Variants in DYSF observed in about 807,000 individuals in gnomAD.
DYSF encodes the protein dysferlin, also known as dystrophy-associated fer-1-like 1.
In DYSF, 212 loss-of-function variants were observed where a neutral mutation model predicts 274.9. The ratio of observed to expected loss-of-function variants is 0.77; its 90% confidence interval spans 0.69 to 0.86. The LOEUF (loss-of-function observed/expected upper bound fraction) is 0.86. Ranked by LOEUF, DYSF falls within the 40% of genes least tolerant of loss-of-function variation. The pLI is 0.00. For synonymous variants in DYSF, 1,091 were observed against 1,078.7 expected, an observed-to-expected ratio of 1.01 and a Z score of -0.22; for missense variants, 2,666 against 2,783.2, an observed-to-expected ratio of 0.96 and a Z score of 0.95.
intron 3 of DYSF, among the ~76,000 whole-genome samples, chr2:71,486,551 G>T (rs1426417483): frequency 1.3e-5 from 2 of 152,070 alleles, no homozygotes; most frequent in African/African-American, 4.8e-5. Flanking sequence ...GCAGTTTAGG[G>T]TGATCTTGTT....
intron 9 of DYSF, among the ~76,000 whole-genome samples, chr2:71,516,624 T>C (rs932107984): frequency 1.3e-5 from 2 of 152,236 alleles, no homozygotes; most frequent in South Asian, 2.1e-4. Context: ...ACGTGCCTGC[T>C]TCTGACTGAG....
intron 55 of DYSF, among the ~76,000 whole-genome samples, chr2:71,684,394 T>C (rs1354224790): frequency 6.6e-6 from 1 of 152,116 alleles, no homozygotes; most frequent in Non-Finnish European, 1.5e-5. Context: ...CCTCCTCCCA[T>C]TCGGAGCCCA....
chr2:71,623,444 C>A (rs972245328), intron 41 of DYSF, among the ~76,000 whole-genome samples: 1 of 151,100 alleles, frequency 6.6e-6, no homozygotes, highest in Middle Eastern at 3.4e-3. Context: ...TTTGTTCTTG[C>A]GATAGTTTAC....
At chr2:71,486,212 C>T (rs1412875172) in intron 3 of DYSF, among the ~76,000 whole-genome samples, 3 of 152,056 alleles carry the variant, frequency 2.0e-5, no homozygotes, top group Non-Finnish European at 4.4e-5. Context: ...CAACCTCATC[C>T]TCTTCCAAGT....
At chr2:71,602,495 T>C (rs1370986235) in intron 35 of DYSF, among the ~76,000 whole-genome samples, 2 of 152,176 alleles carry the variant, frequency 1.3e-5, no homozygotes, top group Non-Finnish European at 2.9e-5. Context: ...CTTCCAGAGA[T>C]TCCTGGCGTC....
rs561061623 is a variant in DYSF at position 71,516,615 on chromosome 2, C to T, written c.951+373C>T. ...GGTTCCATCTTATTTTGTTAATCCA[C>T]GTGCCTGCTTCTGACTGAGATTCTC... On this transcript the variant is annotated intron_variant, in intron 9 of 55. Coordinates refer to ENST00000410020, the MANE Select transcript of DYSF (RefSeq NM_001130987.2). 1.2e-3 allele frequency among the ~76,000 whole-genome samples: 184 copies of T among 152,340 alleles called. 1 individual carries two copies. The highest frequency in any genetic ancestry group is 4.2e-3 in the African/African-American group (176 of 41,582).
rs917623717 is a variant in DYSF, at chr2:71,466,829, G to C, written c.-14G>C. The C allele has an allele frequency of 3.3e-6, 5 of 1,507,926 alleles. No homozygotes were observed. In the Admixed American group the frequency reaches 6.0e-5, roughly 18 times the overall value. The allele number at this position is 1,507,926 out of a possible 1,614,324, so 93.4% of individuals were successfully genotyped here. ...CCTGACTGCGCGCCTGTGTGCCGCCGGGGCTGCCCAGCCATGCTGTGCTGC... is the reference window on the plus strand; with the variant it reads ...CCTGACTGCGCGCCTGTGTGCCGCCCGGGCTGCCCAGCCATGCTGTGCTGC... On this transcript the variant is annotated 5_prime_UTR_variant, in exon 1 of 56. Transcript: ENST00000410020.
intron 44 of DYSF, 33 bp from the exon 45 acceptor site, chr2:71,660,527 G>T: frequency 6.3e-7 from 1 of 1,587,896 alleles, no homozygotes; most frequent in Non-Finnish European, 8.6e-7. Flanking sequence ...TTTGGAAAGT[G>T]TTTTCACAGA....
chr2:71,524,740 A>C (rs1170977439), intron 12 of DYSF, among the ~76,000 whole-genome samples: 1 of 152,232 alleles, frequency 6.6e-6, no homozygotes, highest in East Asian at 1.9e-4. Context: ...GGGCCTCTGC[A>C]TGAGTTGCCT....
intron 30 of DYSF, among the ~76,000 whole-genome samples, chr2:71,582,239 C>A (rs1162803123): frequency 2.0e-5 from 3 of 151,762 alleles, no homozygotes; most frequent in African/African-American, 7.3e-5. Flanking sequence ...CTATGGCCCA[C>A]GAAGTCAAAA....
intron 21 of DYSF, among the ~76,000 whole-genome samples, chr2:71,554,512 G>GC (rs2091201657): frequency 6.6e-6 from 1 of 152,126 alleles, no homozygotes; most frequent in African/African-American, 2.4e-5. Flanking sequence ...CAGTGAGGGG[G>GC]CTGTGTCCAG....
intron 44 of DYSF, among the ~76,000 whole-genome samples, chr2:71,659,552 T>C (rs1184676964): frequency 1.3e-5 from 2 of 152,238 alleles, no homozygotes; most frequent in African/African-American, 4.8e-5. Context: ...ACTCACCCGG[T>C]CTTTATTTAA....
intron 19 of DYSF, among the ~76,000 whole-genome samples, chr2:71,552,107 C>A (rs2090992309): frequency 6.6e-6 from 1 of 152,182 alleles, no homozygotes; most frequent in South Asian, 2.1e-4. Flanking sequence ...CATGAGGTGG[C>A]TGCTGTTATT....
intron 54 of DYSF, 55 bp downstream of exon 54, chr2:71,681,165 A>C: frequency 6.5e-7 from 1 of 1,530,622 alleles, no homozygotes; most frequent in Non-Finnish European, 9.0e-7. Flanking sequence ...TATAGGCCAC[A>C]GTCCAGGAGG....
At position 71,561,734 on chromosome 2, in the gene DYSF, T is replaced by G; in HGVS notation, c.2217-18T>G. On this transcript the variant is annotated intron_variant, in intron 22 of 55. Coordinates refer to ENST00000410020, the MANE Select transcript of DYSF (RefSeq NM_001130987.2). Reference sequence around the variant, plus strand: ...CCCTGGGCTCATCAGGCGCATTCCATCTGTCCGTCCCTCACAGCCAGCCTC... The same window carrying G: ...CCCTGGGCTCATCAGGCGCATTCCAGCTGTCCGTCCCTCACAGCCAGCCTC... 6.2e-7 allele frequency: 1 copy of G among 1,614,082 alleles called. No individual in the cohort carries two copies.
intron 17 of DYSF, among the ~76,000 whole-genome samples, chr2:71,546,323 C>G (rs148568176): frequency 1.2e-4 from 18 of 152,378 alleles, no homozygotes; most frequent in African/African-American, 4.3e-4. Flanking sequence ...TCTCAAAGAC[C>G]AAATGAAACT....
chr2:71,524,664 G>A (rs185745918), intron 12 of DYSF, among the ~76,000 whole-genome samples: 13 of 152,300 alleles, frequency 8.5e-5, no homozygotes, highest in African/African-American at 3.1e-4. Flanking sequence ...TTCGCTGCTC[G>A]CTAGCCCAAG....
chr2:71,517,143 C>T, intron 10 of DYSF, 104 bp downstream of exon 10: 2 of 1,119,204 alleles, frequency 1.8e-6, no homozygotes, highest in Non-Finnish European at 2.7e-6. Flanking sequence ...TGTTTCTCTG[C>T]TTTGGGAAAA....
At chr2:71,493,225 C>T (rs2084029403) in intron 3 of DYSF, among the ~76,000 whole-genome samples, 1 of 152,026 alleles carries the variant, frequency 6.6e-6, no homozygotes. Context: ...GTTTGTATTC[C>T]AGTCATGTTA....
Sources: gnomAD v4.1 joint callset for allele counts (sites outside exome capture counted in the v4.1 genomes callset) on GRCh38, gnomAD v4.1.1 for gene constraint, MANE v1.5 for transcripts, NCBI Gene and HGNC (gene_info 2026-07-23, HGNC 2026-07-21) for gene names.